NEDD9: variants seen among roughly 807,000 people sequenced by gnomAD.
The protein encoded by NEDD9 is enhancer of filamentation 1.
A neutral mutation model predicts 76.6 loss-of-function variants in NEDD9; 26 were observed. The ratio of observed to expected loss-of-function variants is 0.34; its 90% CI spans 0.25 to 0.47. NEDD9 has a LOEUF of 0.47. NEDD9 is among the 20% of genes least tolerant of loss of function. The probability of loss-of-function intolerance (pLI) is 1.00; values close to 1 mark genes in which losing one functional copy is unlikely to be tolerated. For missense variants in NEDD9, 937 were observed against 1,058.5 expected (o/e 0.89, Z 1.59); for synonymous variants, 392 against 414.2 (o/e 0.95, Z 0.65).
At chr6:11,193,010 TTTTCTAC>T (rs1415406434) in intron 3 of NEDD9, among the ~76,000 whole-genome samples, 1 of 145,292 alleles carries the variant, frequency 6.9e-6, no homozygotes, top group East Asian at 2.2e-4. Flanking sequence ...GTAGTTTAAA[TTTTCTAC>T]TTTCCAGCTG....
Position 11,237,915 on chromosome 6 carries a change from G to C in NEDD9, c.13-24188C>G, listed in dbSNP as rs1759638476. Among the ~76,000 whole-genome samples, 1 of 152,156 alleles carries C rather than the reference G, an allele frequency of 6.6e-6. No individual in the cohort carries two copies. The highest frequency in any genetic ancestry group is 2.1e-4 in the South Asian group (1 of 4,826). On this transcript the variant is annotated intron_variant, in intron 3 of 3. Coordinates refer to the NEDD9 transcript ENST00000397378. This position sits in a 1 kb window ranked among gnomAD's most constrained non-coding sequence, Gnocchi z 4.9. The stretch of plus-strand genomic sequence containing the variant: ...GAGGAACAAGCCCAGTCCTAAAAAG[G>C]AACCATTCTAGGGCCATGTTTTATC...
At chr6:11,276,635 A>C (rs1028689745) in intron 3 of NEDD9, among the ~76,000 whole-genome samples, 1 of 152,102 alleles carries the variant, frequency 6.6e-6, no homozygotes, top group Non-Finnish European at 1.5e-5. Context: ...ATTTTTTTTA[A>C]CTTCAAACCC....
At chr6:11,313,996 C>A (rs1761464587) in intron 2 of NEDD9, among the ~76,000 whole-genome samples, 1 of 152,026 alleles carries the variant, frequency 6.6e-6, no homozygotes, top group African/African-American at 2.4e-5. Context: ...CTCAAAAATC[C>A]TGATTTAATA....
rs543377511 is a variant in NEDD9 at position 11,189,954 on chromosome 6, G to A, written c.1905+10C>T. The A allele has an allele frequency of 9.9e-6, 15 of 1,511,896 alleles. No individual in the cohort carries two copies. The highest frequency in any genetic ancestry group is 5.4e-5 in the South Asian group (4 of 74,386). The allele number at this position is 1,511,896 out of a possible 1,614,324, so 93.7% of individuals were successfully genotyped here. On this transcript the variant is annotated intron_variant, in intron 5 of 6. Transcript: ENST00000379446. The stretch of plus-strand genomic sequence containing the variant: ...TGAGTGTAGGTGTTTTATGAGTTCC[G>A]CTGTTTTACCTGTAGGTGGACGTAA...
chr6:11,374,456 T>C (rs1411153841), intron 1 of NEDD9, among the ~76,000 whole-genome samples: 1 of 152,164 alleles, frequency 6.6e-6, no homozygotes. Flanking sequence ...ATGCTTCCCA[T>C]GGTGAGGCTG....
At chr6:11,188,947 A>AT (rs34060597) in intron 5 of NEDD9, among the ~76,000 whole-genome samples, 41,060 of 145,870 alleles carry the variant, frequency 0.28, 5,887 homozygotes, top group East Asian at 0.32. Flanking sequence ...ATCTTGGTAG[A>AT]TTTTTTTTTT....
chr6:11,308,542 T>C (rs1290149432), intron 2 of NEDD9, among the ~76,000 whole-genome samples: 1 of 151,852 alleles, frequency 6.6e-6, no homozygotes, highest in Non-Finnish European at 1.5e-5. Context: ...GCTAATTTTT[T>C]GTATTTTTAG....
At chr6:11,228,175 AAAGAAG>A (rs953033264) in intron 1 of NEDD9, among the ~76,000 whole-genome samples, 14 of 152,080 alleles carry the variant, frequency 9.2e-5, no homozygotes, top group African/African-American at 3.1e-4. Context: ...GAAAGCCTGA[AAAGAAG>A]AAGAAGAAGA....
intron 1 of NEDD9, among the ~76,000 whole-genome samples, chr6:11,380,893 C>T (rs1763050501): frequency 1.3e-5 from 2 of 152,120 alleles, no homozygotes; most frequent in Admixed American, 6.5e-5. Flanking sequence ...ACTGCAGCCT[C>T]GACCTCCTGG....
At chr6:11,324,546 AC>A (rs1761881316) in intron 2 of NEDD9, among the ~76,000 whole-genome samples, 1 of 152,188 alleles carries the variant, frequency 6.6e-6, no homozygotes, top group African/African-American at 2.4e-5. Context: ...CTCTGCGGCC[AC>A]CGTATTAAAA....
In NEDD9 at chr6:11,198,508, C is replaced by T. The variant is rs553174251; in HGVS notation, c.460-4816G>A. On this transcript the variant is annotated intron_variant, in intron 2 of 6. Transcript: ENST00000379446. This position sits in a 1 kb window ranked among gnomAD's most constrained non-coding sequence, Gnocchi z 4.7. ...AAGGCCCGGCTGAATGCCTTTCCCC[C>T]ACCAAGCCCTTCCCAAACAGATAAT... 6.6e-6 allele frequency: 1 copy of T among 152,352 alleles called. No individual in the cohort carries two copies. The highest frequency in any genetic ancestry group is 2.1e-4 in the South Asian group (1 of 4,826). 9.4% of individuals were successfully genotyped at this position (152,352 alleles called of 1,614,324 possible).
intron 3 of NEDD9, among the ~76,000 whole-genome samples, chr6:11,287,859 G>T (rs1162099432): frequency 1.3e-5 from 2 of 152,196 alleles, no homozygotes; most frequent in Non-Finnish European, 2.9e-5. Context: ...ATTTTGTAAT[G>T]AGCTGTCACT....
intron 2 of NEDD9, among the ~76,000 whole-genome samples, chr6:11,324,940 G>T (rs1287862504): frequency 1.3e-5 from 2 of 152,202 alleles, no homozygotes; most frequent in Non-Finnish European, 2.9e-5. Context: ...CTTTGCATTT[G>T]CAAACAACTT....
At chr6:11,357,871 C>T (rs371187156) in intron 1 of NEDD9, among the ~76,000 whole-genome samples, 8 of 152,246 alleles carry the variant, frequency 5.3e-5, no homozygotes, top group African/African-American at 9.6e-5. Flanking sequence ...AGTGAGTCTG[C>T]GGTGATGAGT....
intron 2 of NEDD9, among the ~76,000 whole-genome samples, chr6:11,207,830 GGAAA>G (rs1475639092): frequency 1.3e-5 from 2 of 152,154 alleles, no homozygotes; most frequent in African/African-American, 4.8e-5. Context: ...AAAATAGAAG[GGAAA>G]GGCATTCTAG....
chr6:11,190,890 C>A lies in NEDD9; in HGVS notation c.979G>T (p.Glu327Ter). ...YDVPRGVQFLEPPAETSEKAN... is the reference protein window; with the variant it reads ...YDVPRGVQFL ...TTCTCACTGGTTTCTGCTGGTGGCTCAAGAAACTGAACGCCTCGGGGGACA... is the reference window on the plus strand; with the variant it reads ...TTCTCACTGGTTTCTGCTGGTGGCTAAAGAAACTGAACGCCTCGGGGGACA... Residue 327 changes from glutamate to a stop codon, truncating the protein, a stop_gained, in exon 5 of 7, where the codon GAG becomes TAG. Transcript: ENST00000379446. LOFTEE classifies it high-confidence loss of function. The surrounding 1 kb of genome is among the most constrained non-coding windows in gnomAD (Gnocchi z 5.8). 6.2e-7 allele frequency: 1 copy of A among 1,614,082 alleles called. No individual in the cohort carries two copies. Among genetic ancestry groups the A allele is most frequent in the Non-Finnish European group, 8.5e-7 (1 of 1,180,030 alleles).
At chr6:11,216,238 C>G (rs926174498) in intron 1 of NEDD9, among the ~76,000 whole-genome samples, 5 of 152,204 alleles carry the variant, frequency 3.3e-5, no homozygotes, top group African/African-American at 1.2e-4. Context: ...AGCCAGGACC[C>G]CGGCACCAGC....
At chr6:11,233,689 T>C (rs533630033), upstream of NEDD9, among the ~76,000 whole-genome samples, 11 of 152,162 alleles carry the variant, frequency 7.2e-5, no homozygotes, top group Non-Finnish European at 1.5e-4. Flanking sequence ...ATTTTAGGAT[T>C]TCTATAGAGA....
At chr6:11,289,953 A>G (rs1760731202) in intron 3 of NEDD9, among the ~76,000 whole-genome samples, 1 of 152,214 alleles carries the variant, frequency 6.6e-6, no homozygotes, top group Non-Finnish European at 1.5e-5. Flanking sequence ...AAAATCCTAT[A>G]GATATATAAC....
Sources: allele counts gnomAD v4.1 joint callset (sites outside exome capture counted in the v4.1 genomes callset), GRCh38; gene constraint gnomAD v4.1.1; non-coding constraint Gnocchi (gnomAD v3.1); transcripts MANE v1.5; gene names NCBI Gene and HGNC (gene_info 2026-07-23, HGNC 2026-07-21).